FAM117B: variants seen among roughly 807,000 people sequenced by gnomAD.
FAM117B encodes family with sequence similarity 117 member B.
FAM117B carries 22 observed loss-of-function variants against 52.8 expected under a neutral mutation model. That is an observed-to-expected ratio of 0.42 (90% CI 0.30 to 0.59). The LOEUF (loss-of-function observed/expected upper bound fraction) is 0.59, where lower values mean the gene tolerates loss of function less well. Ranked by LOEUF, FAM117B falls within the 20% of genes least tolerant of loss-of-function variation. FAM117B has a pLI of 0.22. For synonymous variants in FAM117B, 309 were observed against 324.1 expected (o/e 0.95, Z 0.50); for missense variants, 678 against 802.6 (o/e 0.84, Z 1.88).
Position 202,755,599 on chromosome 2 carries a change from G to A in FAM117B, c.1022G>A (p.Arg341Gln), listed in dbSNP as rs1691789206. 1.2e-6 allele frequency: 2 copies of A among 1,614,092 alleles called. No homozygotes were observed. The highest frequency in any genetic ancestry group is 1.7e-6 in the Non-Finnish European group (2 of 1,180,008). ...VIPITKSTGS[R>Q]FRNSVEGLNQ... The stretch of plus-strand genomic sequence containing the variant: ...CCCATCACCAAATCAACAGGCTCCC[G>A]GTTCCGGAATAGCGTGGAAGGATTG... The change falls in exon 5 of 8, where the codon CGG becomes CAG. Residue 341 changes from arginine (R) to glutamine (Q), a missense_variant. This residue lies in a region of FAM117B where 583 missense variants were observed against 644.8 expected (regional missense o/e 0.90). Transcript: ENST00000392238.
intron 4 of FAM117B, among the ~76,000 whole-genome samples, chr2:202,734,113 G>C (rs574590875): frequency 5.9e-5 from 9 of 152,210 alleles, no homozygotes; most frequent in Admixed American, 5.9e-4. Context: ...TGGTGGTTGA[G>C]TAGGGCTGGG....
At chr2:202,672,431 C>A (rs892072318) in intron 1 of FAM117B, among the ~76,000 whole-genome samples, 4 of 152,178 alleles carry the variant, frequency 2.6e-5, no homozygotes, top group African/African-American at 9.6e-5. Context: ...CAGGGCTGAT[C>A]TTGAACTCCT....
chr2:202,670,300 T>C (rs1441893563), intron 1 of FAM117B, among the ~76,000 whole-genome samples: 1 of 128,772 alleles, frequency 7.8e-6, no homozygotes, highest in Non-Finnish European at 1.5e-5. Context: ...TTTTTTTTTC[T>C]TTTTTTTTGA....
chr2:202,662,110 T>C (rs1165718557), intron 1 of FAM117B, among the ~76,000 whole-genome samples: 2 of 145,820 alleles, frequency 1.4e-5, no homozygotes, highest in Non-Finnish European at 3.0e-5. Context: ...ATAAAGAAAA[T>C]GTGAGGTAGG....
intron 1 of FAM117B, among the ~76,000 whole-genome samples, chr2:202,655,401 C>T (rs1690036584): frequency 6.6e-6 from 1 of 152,006 alleles, no homozygotes; most frequent in South Asian, 2.1e-4. Flanking sequence ...ATTGGGGTTT[C>T]TGGGTCATAC....
intron 1 of FAM117B, among the ~76,000 whole-genome samples, chr2:202,649,009 C>T (rs1329014435): frequency 7.8e-6 from 1 of 128,866 alleles, no homozygotes; most frequent in Non-Finnish European, 1.5e-5. Flanking sequence ...CCGCCTCAGC[C>T]TCAAAGTGCT....
chr2:202,754,741 T>C (rs1392424804), intron 4 of FAM117B, among the ~76,000 whole-genome samples: 1 of 151,248 alleles, frequency 6.6e-6, no homozygotes, highest in African/African-American at 2.4e-5. Flanking sequence ...ACCAAAAAAA[T>C]TAGCCAGGTG....
At chr2:202,643,989 C>G (rs1265974421) in intron 1 of FAM117B, among the ~76,000 whole-genome samples, 1 of 148,914 alleles carries the variant, frequency 6.7e-6, no homozygotes, top group South Asian at 2.2e-4. Flanking sequence ...GAATTACAGG[C>G]GTGAGCCACC....
intron 4 of FAM117B, among the ~76,000 whole-genome samples, chr2:202,731,829 A>G (rs1041790827): frequency 2.0e-5 from 3 of 150,280 alleles, no homozygotes; most frequent in South Asian, 4.2e-4. Context: ...TCCGCCTACC[A>G]GGTTCAAGTG....
rs1691989446 is a variant in FAM117B, at chr2:202,766,925, T to C, written c.*1161T>C. Reference sequence around the variant, plus strand: ...AGAATCCTGTGACTGACATTTTTCTTTGTGGTGGTGGTTGGCCCTGAGATT... The same window carrying C: ...AGAATCCTGTGACTGACATTTTTCTCTGTGGTGGTGGTTGGCCCTGAGATT... On this transcript the variant is annotated 3_prime_UTR_variant, in exon 8 of 8. Coordinates refer to ENST00000392238, the MANE Select transcript of FAM117B (RefSeq NM_173511.4). 1 of 152,560 alleles carries C rather than the reference T, an allele frequency of 6.6e-6. No individual in the cohort carries two copies. Among genetic ancestry groups the C allele is most frequent in the Admixed American group, 6.6e-5 (1 of 15,266 alleles). The allele number at this position is 152,560 out of a possible 1,614,324, so 9.5% of individuals were successfully genotyped here. A position where few individuals can be genotyped will look rare whatever the true frequency, so the allele number is the denominator to read the frequency against.
chr2:202,741,232 C>T lies in FAM117B; in HGVS notation c.961-14306C>T, dbSNP rs1430625070. ...GTCAGGAGATCAAGACCATCCTGGT[C>T]AACATGGTGAAACGCCATCTCTACT... is the stretch of plus-strand genomic sequence containing the variant. On this transcript the variant is annotated intron_variant, in intron 4 of 7. Transcript: ENST00000392238. Among the ~76,000 whole-genome samples the T allele has an allele frequency of 2.0e-5, 3 of 151,750 alleles. No homozygotes were observed. The East Asian group carries it at 5.9e-4, about 30-fold the overall frequency.
intron 2 of FAM117B, among the ~76,000 whole-genome samples, chr2:202,705,648 C>T (rs751112159): frequency 4.6e-5 from 7 of 152,208 alleles, no homozygotes; most frequent in Non-Finnish European, 1.0e-4. Context: ...TCACCAACCT[C>T]TGCCCCCACA....
chr2:202,754,604 A>G (rs1291152217), intron 4 of FAM117B, among the ~76,000 whole-genome samples: 1 of 151,784 alleles, frequency 6.6e-6, no homozygotes, highest in Non-Finnish European at 1.5e-5. Context: ...TAAAGAAAAC[A>G]GGGGCTGTGC....
At chr2:202,758,854 A>G (rs1363920336) in intron 6 of FAM117B, among the ~76,000 whole-genome samples, 8 of 152,258 alleles carry the variant, frequency 5.3e-5, no homozygotes, top group Non-Finnish European at 1.0e-4. Context: ...CAGAGAAATC[A>G]AACTGAGAAA....
Position 202,754,519 on chromosome 2 carries a change from C to A in FAM117B, c.961-1019C>A, listed in dbSNP as rs536309977. Among the ~76,000 whole-genome samples the A allele has an allele frequency of 8.5e-4, 129 of 151,916 alleles. 1 individual carries two copies. The highest frequency in any genetic ancestry group is 2.8e-3 in the African/African-American group (118 of 41,426). ...GAAGAAACAAAAACAATAATAAACC[C>A]CCCCCAGAATATAAATAATTATATA... On this transcript the variant is annotated intron_variant, in intron 4 of 7. Coordinates refer to ENST00000392238, the MANE Select transcript of FAM117B (RefSeq NM_173511.4).
chr2:202,675,167 C>G (rs1172377650), intron 1 of FAM117B, among the ~76,000 whole-genome samples: 1 of 151,494 alleles, frequency 6.6e-6, no homozygotes, highest in African/African-American at 2.4e-5. Context: ...CACAGGAGTT[C>G]AAGGTCATAA....
At chr2:202,654,664 T>TG (rs1559095136) in intron 1 of FAM117B, among the ~76,000 whole-genome samples, 5 of 150,380 alleles carry the variant, frequency 3.3e-5, no homozygotes, top group Non-Finnish European at 1.5e-5. Context: ...CCCTTTGTAA[T>TG]CTTTTTTTTT....
intron 2 of FAM117B, among the ~76,000 whole-genome samples, chr2:202,706,085 A>G (rs958344018): frequency 8.5e-5 from 13 of 152,150 alleles, no homozygotes; most frequent in African/African-American, 3.1e-4. Flanking sequence ...ATTCACAGGC[A>G]TAATCACCGT....
At chr2:202,685,779 A>C (rs13423686) in intron 1 of FAM117B, among the ~76,000 whole-genome samples, 12,384 of 152,194 alleles carry the variant, frequency 0.081, 1,679 homozygotes, top group African/African-American at 0.28. Flanking sequence ...ACAAAAGTGA[A>C]CTCCAAATGG....
Sources: gnomAD v4.1 joint callset for allele counts (sites outside exome capture counted in the v4.1 genomes callset) on GRCh38, gnomAD v4.1.1 for gene constraint, gnomAD v4.1.1 regional missense constraint, MANE v1.5 for transcripts, NCBI Gene and HGNC (gene_info 2026-07-23, HGNC 2026-07-21) for gene names.